RNASEH1: variants seen among roughly 807,000 people sequenced by gnomAD.
RNASEH1 encodes ribonuclease H1, also known as ribonuclease H type II.
RNASEH1 carries 27 observed loss-of-function variants against 34.6 expected under a neutral mutation model. That is an observed-to-expected ratio of 0.78 (90% CI 0.58 to 1.08). RNASEH1 has a LOEUF of 1.08. RNASEH1 is among the 50% of genes least tolerant of loss of function. The probability of loss-of-function intolerance (pLI) is 0.00; values close to 1 mark genes in which losing one functional copy is unlikely to be tolerated. For synonymous variants in RNASEH1, 162 were observed against 138.4 expected, an observed-to-expected ratio of 1.17 and a Z score of -1.20; for missense variants, 349 against 373.6, an observed-to-expected ratio of 0.93 and a Z score of 0.54.
rs1668394309 is a variant in RNASEH1, at chr2:3,542,602, GACA to G, written c.*3180_*3182del. 6.6e-6 allele frequency among the ~76,000 whole-genome samples: 1 copy of G among 152,164 alleles called. No homozygotes were observed. Among genetic ancestry groups the G allele is most frequent in the South Asian group, 2.1e-4 (1 of 4,830 alleles). Reference sequence around the variant, plus strand: ...GGTGGTAAAAAGGAGCAATTTTTCTGACAACGTAGACACAGTGCTGTTTTCATC... The same window carrying G: ...GGTGGTAAAAAGGAGCAATTTTTCTGACGTAGACACAGTGCTGTTTTCATC... On this transcript the variant is annotated 3_prime_UTR_variant, in exon 8 of 8. Coordinates refer to ENST00000315212, the MANE Select transcript of RNASEH1 (RefSeq NM_002936.6).
At position 3,542,804 on chromosome 2, in the gene RNASEH1, C is replaced by T. The variant is rs533138409; in HGVS notation, c.*2981G>A. 3.9e-5 allele frequency among the ~76,000 whole-genome samples: 6 copies of T among 152,160 alleles called. No homozygotes were observed. The highest frequency in any genetic ancestry group is 4.1e-4 in the South Asian group (2 of 4,820). ...CATATAGAGGAGGCTATGTAAAGGC[C>T]CCAGGACCCTGAATTTGTATTGGGA... On this transcript the variant is annotated 3_prime_UTR_variant, in exon 8 of 8. Coordinates refer to ENST00000315212, the MANE Select transcript of RNASEH1 (RefSeq NM_002936.6).
chr2:3,558,085 T>C, intron 1 of RNASEH1, 48 bp downstream of exon 1: 1 of 1,547,222 alleles, frequency 6.5e-7, no homozygotes, highest in Non-Finnish European at 8.7e-7. Context: ...CCGGCCTCCC[T>C]CGACCCCGAT....
chr2:3,548,546 G>A (rs954527520), intron 6 of RNASEH1, 94 bp downstream of exon 6: 20 of 767,084 alleles, frequency 2.6e-5, no homozygotes, highest in Admixed American at 8.7e-5. Context: ...TCATCCCCCC[G>A]TTCCCATTTG....
chr2:3,551,166 G>A (rs558642705), intron 3 of RNASEH1, among the ~76,000 whole-genome samples: 2 of 152,372 alleles, frequency 1.3e-5, no homozygotes, highest in Non-Finnish European at 2.9e-5. Flanking sequence ...GTACTTGTCC[G>A]AAGGACGGCA....
Position 3,548,653 on chromosome 2 carries a change from C to T in RNASEH1, c.636G>A (p.Met212Ile). 1 of 1,594,558 alleles carries T rather than the reference C, an allele frequency of 6.3e-7. No homozygotes were observed. The highest frequency in any genetic ancestry group is 8.6e-7 in the Non-Finnish European group (1 of 1,163,284). Reference protein sequence around the residue: ...INKLVLYTDSMFTINGITNWV... With the variant: ...INKLVLYTDSIFTINGITNWV... ...GTGAAAGCTTACCATTTATCGTAAACATACTGTCTGTATACAGAACCAGTT... is the reference window on the plus strand; with the variant it reads ...GTGAAAGCTTACCATTTATCGTAAATATACTGTCTGTATACAGAACCAGTT... Residue 212 changes from methionine (M) to isoleucine (I), a missense_variant, in exon 6 of 8, where the codon ATG becomes ATA. By Grantham distance (10) the Met-to-Ile change is conservative (BLOSUM62 1). Around this residue, in one of 2 missense-constraint regions of RNASEH1, gnomAD observed 93 missense variants for 132.9 expected, o/e 0.70. Transcript: ENST00000315212.
chr2:3,545,564 T>C lies in RNASEH1; in HGVS notation c.*221A>G. On this transcript the variant is annotated 3_prime_UTR_variant, in exon 8 of 8. Coordinates refer to ENST00000315212, the MANE Select transcript of RNASEH1 (RefSeq NM_002936.6). ...GAACCCAGTAAACATAATGTGGAAA[T>C]CTCACATAATTCTCCAATCTCAAAG... is the stretch of plus-strand genomic sequence containing the variant. 1 of 557,504 alleles carries C rather than the reference T, an allele frequency of 1.8e-6. No individual in the cohort carries two copies. The highest frequency in any genetic ancestry group is 3.2e-6 in the Non-Finnish European group (1 of 311,996). The allele number at this position is 557,504 out of a possible 1,614,324, so 34.5% of individuals were successfully genotyped here. A position where few individuals can be genotyped will look rare whatever the true frequency, so the allele number is the denominator to read the frequency against.
intron 7 of RNASEH1, among the ~76,000 whole-genome samples, chr2:3,547,460 C>T (rs1253739325): frequency 1.3e-5 from 2 of 151,918 alleles, no homozygotes; most frequent in Non-Finnish European, 1.5e-5. Context: ...CAGATGTGAA[C>T]CACTGAGCCC....
intron 6 of RNASEH1, 90 bp downstream of exon 6, chr2:3,548,550 C>A: frequency 1.3e-6 from 1 of 797,756 alleles, no homozygotes; most frequent in Non-Finnish European, 2.1e-6. Context: ...CCCCCCGTTC[C>A]CATTTGGGTC....
Position 3,553,687 on chromosome 2 carries a change from G to T in RNASEH1, c.245-1379C>A, listed in dbSNP as rs557887322. ...TTACAGGCGTGAGCCGCTGCGCCCGGCCCCAAAGAGATTCTTAATACCACC... is the reference window on the plus strand; with the variant it reads ...TTACAGGCGTGAGCCGCTGCGCCCGTCCCCAAAGAGATTCTTAATACCACC... On this transcript the variant is annotated intron_variant, in intron 2 of 7. Transcript: ENST00000315212. Among the ~76,000 whole-genome samples, 4 of 152,232 alleles carry T rather than the reference G, an allele frequency of 2.6e-5. No individual in the cohort carries two copies. The East Asian group carries it at 5.8e-4, about 22-fold the overall frequency.
At chr2:3,540,098 G>A (rs756007257), downstream of RNASEH1, among the ~76,000 whole-genome samples, 71 of 152,144 alleles carry the variant, frequency 4.7e-4, 2 homozygotes, top group African/African-American at 1.6e-3. Context: ...TTTCTTCAAC[G>A]GCCTCTATTT....
chr2:3,556,939 TTCTC>T lies in RNASEH1; in HGVS notation c.129-39_129-36del, dbSNP rs1660563876. ...ATGTGCAATGTTATTTCCTTCTTCC[TTCTC>T]TAACTTATCCCCTTTTTTATTGAGA... On this transcript the variant is annotated intron_variant, in intron 1 of 7. Transcript: ENST00000315212. 3 of 1,441,500 alleles carry T rather than the reference TTCTC, an allele frequency of 2.1e-6. No homozygotes were observed. In the South Asian group the frequency reaches 3.4e-5, roughly 16 times the overall value. The allele number at this position is 1,441,500 out of a possible 1,614,324, so 89.3% of individuals were successfully genotyped here. A position where few individuals can be genotyped will look rare whatever the true frequency, so the allele number is the denominator to read the frequency against.
intron 2 of RNASEH1, 69 bp downstream of exon 2, chr2:3,556,720 C>G (rs1660538844): frequency 9.7e-7 from 1 of 1,027,666 alleles, no homozygotes; most frequent in Non-Finnish European, 1.5e-6. Context: ...CTATATAGAT[C>G]AAATGCCATC....
rs1291105284 is a variant in RNASEH1, at chr2:3,542,944, G to T, written c.*2841C>A. On this transcript the variant is annotated 3_prime_UTR_variant, in exon 8 of 8. Coordinates refer to ENST00000315212, the MANE Select transcript of RNASEH1 (RefSeq NM_002936.6). ...ATAATGACCAACGCAATAGCAATGA[G>T]CATCCTAAACTGGATCTGAAATACC... 6.6e-6 allele frequency among the ~76,000 whole-genome samples: 1 copy of T among 152,156 alleles called. No individual in the cohort carries two copies. Among genetic ancestry groups the T allele is most frequent in the Non-Finnish European group, 1.5e-5 (1 of 68,044 alleles).
downstream of RNASEH1, among the ~76,000 whole-genome samples, chr2:3,537,145 G>C (rs1026474536): frequency 1.3e-5 from 2 of 152,166 alleles, no homozygotes; most frequent in Non-Finnish European, 2.9e-5. Flanking sequence ...TTAGGTTAAA[G>C]CATGTTGTCT....
rs1668329984 is a variant in RNASEH1 at position 3,541,813 on chromosome 2, G to A, written c.*3972C>T. 6.6e-6 allele frequency among the ~76,000 whole-genome samples: 1 copy of A among 152,204 alleles called. No homozygotes were observed. Among genetic ancestry groups the A allele is most frequent in the African/African-American group, 2.4e-5 (1 of 41,450 alleles). Reference sequence around the variant, plus strand: ...CAAATGCATCGGTCACTTCACGTATGTGCAGTTCATTACCTGTCAGTTACA... The same window carrying A: ...CAAATGCATCGGTCACTTCACGTATATGCAGTTCATTACCTGTCAGTTACA... On this transcript the variant is annotated 3_prime_UTR_variant, in exon 8 of 8. Coordinates refer to ENST00000315212, the MANE Select transcript of RNASEH1 (RefSeq NM_002936.6).
In RNASEH1 at chr2:3,542,131, G is replaced by A. The variant is rs1277984747; in HGVS notation, c.*3654C>T. 6.6e-6 allele frequency among the ~76,000 whole-genome samples: 1 copy of A among 152,056 alleles called. No homozygotes were observed. The highest frequency in any genetic ancestry group is 1.5e-5 in the Non-Finnish European group (1 of 68,022). ...TTTAGATTTCAACATACAGATAACA[G>A]GGATCCCCACAGAAAAAAGCCAAAG... is the stretch of plus-strand genomic sequence containing the variant. On this transcript the variant is annotated 3_prime_UTR_variant, in exon 8 of 8. Coordinates refer to ENST00000315212, the MANE Select transcript of RNASEH1 (RefSeq NM_002936.6).
intron 2 of RNASEH1, 131 bp from the exon 3 acceptor site, chr2:3,552,439 A>T: frequency 1.2e-6 from 1 of 824,134 alleles, no homozygotes; most frequent in East Asian, 3.1e-5. Context: ...ATGTGGCCCT[A>T]CAACGAGGGA....
chr2:3,553,226 C>CGA (rs1429693148), intron 2 of RNASEH1, among the ~76,000 whole-genome samples: 1 of 150,392 alleles, frequency 6.6e-6, no homozygotes, highest in Non-Finnish European at 1.5e-5. Context: ...CCAGCCTGGG[C>CGA]GAGAGAGTGA....
At chr2:3,537,170 C>A (rs1468452811), downstream of RNASEH1, among the ~76,000 whole-genome samples, 1 of 152,134 alleles carries the variant, frequency 6.6e-6, no homozygotes, top group Non-Finnish European at 1.5e-5. Context: ...AAAAGGAGCA[C>A]ACTACATATT....
Sources: gnomAD v4.1 joint callset for allele counts (sites outside exome capture counted in the v4.1 genomes callset) on GRCh38, gnomAD v4.1.1 for gene constraint, gnomAD v4.1.1 regional missense constraint, MANE v1.5 for transcripts, NCBI Gene and HGNC (gene_info 2026-07-23, HGNC 2026-07-21) for gene names.